ARHGEF3: variants seen among roughly 807,000 people sequenced by gnomAD.
ARHGEF3 encodes Rho guanine nucleotide exchange factor 3, also known as 59.8 kDA protein.
Under a neutral mutation model 63.2 loss-of-function variants are expected in ARHGEF3, and 28 were observed. The ratio of observed to expected loss-of-function variants is 0.44; its 90% CI spans 0.33 to 0.61. The LOEUF (loss-of-function observed/expected upper bound fraction) is 0.61, where lower values mean the gene tolerates loss of function less well. Among genes scored for constraint, ARHGEF3 ranks in the 20% least tolerant of loss-of-function variants. ARHGEF3 has a pLI of 0.03. For synonymous variants in ARHGEF3, 266 were observed against 254.2 expected, an observed-to-expected ratio of 1.05 and a Z score of -0.44; for missense variants, 533 against 659.3, an observed-to-expected ratio of 0.81 and a Z score of 2.10.
chr3:56,793,269 A>C (rs934570426), intron 1 of ARHGEF3, among the ~76,000 whole-genome samples: 8 of 151,156 alleles, frequency 5.3e-5, no homozygotes, highest in Non-Finnish European at 1.2e-4. Context: ...TCCCGGGTTC[A>C]CGCCATTCTC....
intron 2 of ARHGEF3, among the ~76,000 whole-genome samples, chr3:57,013,187 G>A (rs896991551): frequency 8.5e-5 from 13 of 152,166 alleles, no homozygotes; most frequent in African/African-American, 3.1e-4. Flanking sequence ...GAGCCTCCCA[G>A]ACAGGCACTG....
intron 3 of ARHGEF3, among the ~76,000 whole-genome samples, chr3:56,936,895 T>G (rs769187307): frequency 6.6e-6 from 1 of 152,130 alleles, no homozygotes; most frequent in Non-Finnish European, 1.5e-5. Context: ...AATTTTTGTA[T>G]TTTTTGTACA....
chr3:56,910,269 C>T (rs559419263), intron 3 of ARHGEF3, among the ~76,000 whole-genome samples: 7 of 152,084 alleles, frequency 4.6e-5, no homozygotes, highest in African/African-American at 1.4e-4. Context: ...ATGTTCCATT[C>T]AAAGAAGATA....
At chr3:57,018,417 C>T (rs1281888658) in intron 2 of ARHGEF3, among the ~76,000 whole-genome samples, 1 of 152,118 alleles carries the variant, frequency 6.6e-6, no homozygotes, top group Non-Finnish European at 1.5e-5. Context: ...CTCATTTCAT[C>T]CTCAGAACTA....
chr3:57,073,574 G>A, intron 1 of ARHGEF3: 2 of 1,440,456 alleles, frequency 1.4e-6, no homozygotes, highest in East Asian at 2.5e-5. Flanking sequence ...GTGGCTGAAG[G>A]TGAATTGGAA....
chr3:57,023,400 A>G (rs1703340275), intron 2 of ARHGEF3, among the ~76,000 whole-genome samples: 1 of 152,244 alleles, frequency 6.6e-6, no homozygotes. Context: ...CTGGATGGCT[A>G]CAATACCCCC....
rs189824376 is a variant in ARHGEF3 at position 56,742,342 on chromosome 3, A to G, written c.870+2863T>C. The stretch of plus-strand genomic sequence containing the variant: ...CTATTTTAAGAAGTTCTCTTTTGAG[A>G]AAAATTTTTATCAACCCTCAAAGCA... On this transcript the variant is annotated intron_variant, in intron 7 of 9. Transcript: ENST00000296315. Among the ~76,000 whole-genome samples, 546 of 152,330 alleles carry G rather than the reference A, an allele frequency of 3.6e-3. 3 individuals carry two copies. Among genetic ancestry groups the G allele is most frequent in the Middle Eastern group, 0.034 (10 of 294 alleles).
At chr3:56,993,921 G>A (rs545563790) in intron 2 of ARHGEF3, among the ~76,000 whole-genome samples, 93 of 150,996 alleles carry the variant, frequency 6.2e-4, no homozygotes, top group African/African-American at 2.1e-3. Flanking sequence ...AAAATTAGCC[G>A]GGCGTGGTGA....
At chr3:56,984,890 C>T (rs950091878) in intron 2 of ARHGEF3, among the ~76,000 whole-genome samples, 1 of 152,116 alleles carries the variant, frequency 6.6e-6, no homozygotes, top group African/African-American at 2.4e-5. Context: ...CTTGGTGGCC[C>T]CGTAATGACC....
At chr3:56,826,800 C>T (rs1285427205) in intron 4 of ARHGEF3, among the ~76,000 whole-genome samples, 1 of 152,202 alleles carries the variant, frequency 6.6e-6, no homozygotes, top group Non-Finnish European at 1.5e-5. Context: ...CACTGCTTGT[C>T]ACCCAATGGT....
At chr3:56,758,714 A>G (rs2035245689) in intron 2 of ARHGEF3, among the ~76,000 whole-genome samples, 2 of 152,200 alleles carry the variant, frequency 1.3e-5, no homozygotes, top group Admixed American at 1.3e-4. Flanking sequence ...TCTTAAAAAC[A>G]GTCCCTTGTA....
chr3:56,972,636 C>T (rs1473199110), intron 2 of ARHGEF3, among the ~76,000 whole-genome samples: 2 of 151,950 alleles, frequency 1.3e-5, no homozygotes, highest in African/African-American at 2.4e-5. Context: ...GACAGGATAG[C>T]TCATGCAAAG....
At chr3:56,895,486 T>TG (rs2041272543) in intron 3 of ARHGEF3, among the ~76,000 whole-genome samples, 1 of 150,900 alleles carries the variant, frequency 6.6e-6, no homozygotes, top group South Asian at 2.1e-4. Flanking sequence ...TTTTTTGAGA[T>TG]GGAGTCTTGT....
chr3:56,855,328 G>A (rs988832830), intron 4 of ARHGEF3, among the ~76,000 whole-genome samples: 6 of 152,162 alleles, frequency 3.9e-5, no homozygotes, highest in African/African-American at 9.7e-5. Context: ...TCAAATACAC[G>A]TTTGCTAACT....
intron 2 of ARHGEF3, among the ~76,000 whole-genome samples, chr3:56,995,222 A>G (rs931098386): frequency 6.6e-6 from 1 of 152,174 alleles, no homozygotes; most frequent in African/African-American, 2.4e-5. Context: ...CTCAAGGATC[A>G]TAATTTTCCT....
intron 4 of ARHGEF3, among the ~76,000 whole-genome samples, chr3:56,808,948 C>T (rs904189403): frequency 2.1e-4 from 32 of 152,146 alleles, no homozygotes; most frequent in Admixed American, 2.0e-3. Context: ...TTGAGAAACG[C>T]TGTGGTAAAG....
chr3:56,736,883 AG>A (rs1158179955), intron 8 of ARHGEF3, among the ~76,000 whole-genome samples: 3 of 152,150 alleles, frequency 2.0e-5, no homozygotes, highest in Non-Finnish European at 4.4e-5. Context: ...ACTTGAGCTC[AG>A]GAGTTTGAGA....
intron 3 of ARHGEF3, among the ~76,000 whole-genome samples, chr3:56,892,352 A>G (rs1202246781): frequency 6.6e-6 from 1 of 152,210 alleles, no homozygotes; most frequent in Non-Finnish European, 1.5e-5. Flanking sequence ...ACAAAATTGC[A>G]TTAACCAGAG....
At chr3:56,744,563 TA>T (rs1295165623) in intron 7 of ARHGEF3, among the ~76,000 whole-genome samples, 3 of 151,978 alleles carry the variant, frequency 2.0e-5, no homozygotes, top group African/African-American at 7.2e-5. Flanking sequence ...CTCGCCCAGC[TA>T]ATTTTTTTTT....
Sources: gnomAD v4.1 joint callset for allele counts (sites outside exome capture counted in the v4.1 genomes callset) on GRCh38, gnomAD v4.1.1 for gene constraint, MANE v1.5 for transcripts, NCBI Gene and HGNC (gene_info 2026-07-23, HGNC 2026-07-21) for gene names.